DPF3: variants seen among roughly 807,000 people sequenced by gnomAD.
The protein encoded by DPF3 is double PHD fingers 3.
Under a neutral mutation model 56.8 loss-of-function variants are expected in DPF3, and 18 were observed. The ratio of observed to expected loss-of-function variants is 0.32; its 90% CI spans 0.22 to 0.47. DPF3 has a LOEUF of 0.47. DPF3 is among the 20% of genes least tolerant of loss of function. DPF3 has a pLI of 1.00. For missense variants in DPF3, 403 were observed against 488.8 expected (o/e 0.82, Z 1.65); for synonymous variants, 188 against 180.2 (o/e 1.04, Z -0.35).
intron 9 of DPF3, among the ~76,000 whole-genome samples, chr14:72,629,048 A>G (rs1885010588): frequency 6.6e-6 from 1 of 152,222 alleles, no homozygotes; most frequent in Non-Finnish European, 1.5e-5. Context: ...CATTTATGAG[A>G]CAACTGAGGA....
At chr14:72,841,105 A>G (rs1056528773) in intron 1 of DPF3, among the ~76,000 whole-genome samples, 2 of 152,056 alleles carry the variant, frequency 1.3e-5, no homozygotes, top group African/African-American at 2.4e-5. Context: ...TTTATGAGGG[A>G]GCAGTGTGTG....
At position 72,856,144 on chromosome 14, in the gene DPF3, AC is replaced by A. The variant is rs1885161992; in HGVS notation, c.32+37912del. ...GCACTTCTTTGGACTTACTCCAACT[AC>A]ACAAGGAGGAGGAGGATGTCTATGG... On this transcript the variant is annotated intron_variant, in intron 1 of 10. Coordinates refer to ENST00000556509, the MANE Select transcript of DPF3 (RefSeq NM_001280542.3). Among the ~76,000 whole-genome samples, 5 of 152,246 alleles carry A rather than the reference AC, an allele frequency of 3.3e-5. No individual in the cohort carries two copies. The South Asian group carries it at 1.0e-3, about 32-fold the overall frequency.
chr14:72,768,493 A>G (rs1891381988), intron 2 of DPF3, among the ~76,000 whole-genome samples: 1 of 152,254 alleles, frequency 6.6e-6, no homozygotes, highest in South Asian at 2.1e-4. Flanking sequence ...TACACATTTT[A>G]CCAATGTCAG....
intron 1 of DPF3, among the ~76,000 whole-genome samples, chr14:72,841,353 A>C (rs1400910598): frequency 1.3e-5 from 2 of 152,132 alleles, no homozygotes; most frequent in Non-Finnish European, 2.9e-5. Context: ...GGAGCTTTGG[A>C]GTGTCTACTT....
Position 72,612,441 on chromosome 14 carries a change from T to TTTTTTTC in DPF3, c.*6855_*6856insGAAAAAA. On this transcript the variant is annotated 3_prime_UTR_variant, in exon 11 of 11. Transcript: ENST00000556509. Reference sequence around the variant, plus strand: ...GCAGTGTTTCTGTCCTTTTTTTTTTTCTAGTACCTAATTTAGGCTTCTTCA... The same window carrying TTTTTTTC: ...GCAGTGTTTCTGTCCTTTTTTTTTTTTTTTTTCCTAGTACCTAATTTAGGCTTCTTCA... 1.9e-6 allele frequency: 1 copy of TTTTTTTC among 517,196 alleles called. No homozygotes were observed. The highest frequency in any genetic ancestry group is 1.9e-5 in the Admixed American group (1 of 51,360). 32.0% of individuals were successfully genotyped at this position (517,196 alleles called of 1,614,324 possible).
chr14:72,868,150 A>G (rs1599510104), intron 1 of DPF3, among the ~76,000 whole-genome samples: 2 of 152,196 alleles, frequency 1.3e-5, no homozygotes, highest in Admixed American at 6.5e-5. Context: ...AAGGAACTAC[A>G]TCTGAACATC....
intron 8 of DPF3, chr14:72,662,049 T>A: frequency 1.0e-6 from 1 of 984,862 alleles, no homozygotes; most frequent in Non-Finnish European, 1.2e-6. Flanking sequence ...GAGGGGGCAA[T>A]GAGGGTGGGG....
chr14:72,769,792 A>C (rs1475600119), intron 2 of DPF3, among the ~76,000 whole-genome samples: 1 of 152,124 alleles, frequency 6.6e-6, no homozygotes, highest in Non-Finnish European at 1.5e-5. Flanking sequence ...AATACATCAA[A>C]TATGTTTAAA....
chr14:72,659,631 A>G (rs1886148371), intron 8 of DPF3, among the ~76,000 whole-genome samples: 1 of 152,230 alleles, frequency 6.6e-6, no homozygotes, highest in African/African-American at 2.4e-5. Context: ...GCACTGGCCC[A>G]TCAGAATCAA....
intron 3 of DPF3, among the ~76,000 whole-genome samples, chr14:72,736,429 A>G (rs1197737353): frequency 6.6e-6 from 1 of 152,188 alleles, no homozygotes; most frequent in African/African-American, 2.4e-5. Context: ...CAAAAAATGG[A>G]AAGAATTTTA....
rs561774543 is a variant in DPF3, at chr14:72,618,868, C to T, written c.*429G>A. Among the ~76,000 whole-genome samples, 208 of 152,324 alleles carry T rather than the reference C, an allele frequency of 1.4e-3. No individual in the cohort carries two copies. The highest frequency in any genetic ancestry group is 4.7e-3 in the African/African-American group (194 of 41,568). ...TCAGGTGAGAATTTCAGGATGCAGA[C>T]CCTAAGCTGGGGGCACGGGGGCTGT... On this transcript the variant is annotated 3_prime_UTR_variant, in exon 11 of 11. Transcript: ENST00000556509.
At position 72,783,414 on chromosome 14, in the gene DPF3, A is replaced by G. The variant is rs560750196; in HGVS notation, c.33-11521T>C. On this transcript the variant is annotated intron_variant, in intron 1 of 10. Coordinates refer to ENST00000556509, the MANE Select transcript of DPF3 (RefSeq NM_001280542.3). ...ACAAAAAAATGAAAGCTCTAGGCCC[A>G]CCTGCAACTGACAGCTTGAATGATA... Among the ~76,000 whole-genome samples the G allele has an allele frequency of 3.3e-5, 5 of 152,192 alleles. 1 individual carries two copies. The South Asian group carries it at 1.0e-3, about 32-fold the overall frequency.
At chr14:72,846,246 G>T (rs1268918072) in intron 1 of DPF3, among the ~76,000 whole-genome samples, 1 of 151,208 alleles carries the variant, frequency 6.6e-6, no homozygotes, top group African/African-American at 2.4e-5. Flanking sequence ...GAGTAGCTGG[G>T]ATTACAGGCA....
At chr14:72,620,106 C>T in intron 9 of DPF3, 122 bp from the exon 10 acceptor site, 1 of 1,024,718 alleles carries the variant, frequency 9.8e-7, no homozygotes, top group Non-Finnish European at 1.4e-6. Flanking sequence ...CTTTCCAGGC[C>T]CCACTTGGAG....
At position 72,645,502 on chromosome 14, in the gene DPF3, A is replaced by C. The variant is rs114786430; in HGVS notation, c.872-15766T>G. ...TGCCTGGCTAATTTTTAAATTTTAT[A>C]TAGAGATGGGGTCTCCCTATGCTGC... On this transcript the variant is annotated intron_variant, in intron 8 of 10. Transcript: ENST00000556509. 9.5e-3 allele frequency among the ~76,000 whole-genome samples: 1,444 copies of C among 152,074 alleles called. 22 individuals carry two copies. Among genetic ancestry groups the C allele is most frequent in the African/African-American group, 0.033 (1,371 of 41,464 alleles).
rs201140772 is a variant in DPF3, at chr14:72,755,663, G to A, written c.194-2292C>T. On this transcript the variant is annotated intron_variant, in intron 2 of 10. Coordinates refer to ENST00000556509, the MANE Select transcript of DPF3 (RefSeq NM_001280542.3). Reference sequence around the variant, plus strand: ...GTCATGAGTTAGCTGACCTAGTCTTGGACTCCACACTCATGCAACATGACA... The same window carrying A: ...GTCATGAGTTAGCTGACCTAGTCTTAGACTCCACACTCATGCAACATGACA... Among the ~76,000 whole-genome samples the A allele has an allele frequency of 9.9e-5, 15 of 152,218 alleles. No individual in the cohort carries two copies. In the East Asian group the frequency reaches 1.9e-3, roughly 20 times the overall value.
chr14:72,891,534 G>T (rs1382194937), intron 1 of DPF3, among the ~76,000 whole-genome samples: 2 of 152,002 alleles, frequency 1.3e-5, no homozygotes, highest in Non-Finnish European at 2.9e-5. Flanking sequence ...ATTTATTCAC[G>T]TGTGTATTGT....
chr14:72,681,379 C>T (rs1887160032), intron 7 of DPF3, among the ~76,000 whole-genome samples: 1 of 152,104 alleles, frequency 6.6e-6, no homozygotes, highest in Non-Finnish European at 1.5e-5. Context: ...GGAATCCTCT[C>T]TCTTAGGCAT....
intron 6 of DPF3, among the ~76,000 whole-genome samples, chr14:72,713,857 G>C (rs889323660): frequency 5.9e-5 from 9 of 152,150 alleles, no homozygotes; most frequent in Admixed American, 3.3e-4. Flanking sequence ...CCAGGCAGTC[G>C]CTTGTCCAAA....
Sources: allele counts gnomAD v4.1 joint callset (sites outside exome capture counted in the v4.1 genomes callset), GRCh38; gene constraint gnomAD v4.1.1; transcripts MANE v1.5; gene names NCBI Gene and HGNC (gene_info 2026-07-23, HGNC 2026-07-21).